The following ANKRD28 variants were observed in gnomAD, a reference collection of about 807,000 sequenced individuals.
The protein encoded by ANKRD28 is ankyrin repeat domain 28.
Under a neutral mutation model 126.5 loss-of-function variants are expected in ANKRD28, and 44 were observed. The ratio of observed to expected loss-of-function variants is 0.35; its 90% CI spans 0.27 to 0.45. The LOEUF (loss-of-function observed/expected upper bound fraction) is 0.45. Among genes scored for constraint, ANKRD28 ranks in the 20% least tolerant of loss-of-function variants. The pLI, the probability that ANKRD28 is intolerant of heterozygous loss-of-function variation, is 1.00. For synonymous variants in ANKRD28, 442 were observed against 468.5 expected (o/e 0.94, Z 0.73); for missense variants, 1,110 against 1,316.6 (o/e 0.84, Z 2.43).
In ANKRD28 at chr3:15,817,767, TGAAA is replaced by T. The variant is rs2060861928; in HGVS notation, c.28-22465_28-22462del. Among the ~76,000 whole-genome samples, 1 of 152,132 alleles carries T rather than the reference TGAAA, an allele frequency of 6.6e-6. No homozygotes were observed. On this transcript the variant is annotated intron_variant, in intron 1 of 27. Transcript: ENST00000399451. The surrounding 1 kb of genome is among the most constrained non-coding windows in gnomAD (Gnocchi z 4.5). The stretch of plus-strand genomic sequence containing the variant: ...TAATCACTCTTACTTAATATCATAT[TGAAA>T]GAAAGAGCACTGCCATAAGGGTAGA...
intron 14 of ANKRD28, among the ~76,000 whole-genome samples, chr3:15,699,542 G>T (rs969412847): frequency 1.3e-5 from 2 of 151,216 alleles, no homozygotes; most frequent in African/African-American, 4.9e-5. Flanking sequence ...AAATTCACAA[G>T]AAAAAAACAA....
intron 1 of ANKRD28, among the ~76,000 whole-genome samples, chr3:15,821,165 C>T (rs2060934422): frequency 6.6e-6 from 1 of 152,046 alleles, no homozygotes; most frequent in Non-Finnish European, 1.5e-5. Context: ...CCAAATGTCC[C>T]CTGGAGAACA....
intron 4 of ANKRD28, among the ~76,000 whole-genome samples, chr3:15,739,098 A>G (rs546019002): frequency 6.6e-6 from 1 of 152,266 alleles, no homozygotes; most frequent in South Asian, 2.1e-4. Context: ...TCTTTTTTTA[A>G]GGTGCCCGGA....
intron 2 of ANKRD28, among the ~76,000 whole-genome samples, chr3:15,782,192 G>C (rs1196420763): frequency 6.6e-6 from 1 of 152,066 alleles, no homozygotes; most frequent in Non-Finnish European, 1.5e-5. Context: ...CCTCCAACGA[G>C]AATGACGGAT....
intron 1 of ANKRD28, among the ~76,000 whole-genome samples, chr3:15,857,778 A>G (rs67706167): frequency 0.14 from 20,815 of 152,258 alleles, 2,150 homozygotes; most frequent in East Asian, 0.58. Flanking sequence ...AGTCTCTCCT[A>G]AAAGTTCACC....
intron 3 of ANKRD28, among the ~76,000 whole-genome samples, chr3:15,756,075 T>C (rs1470052253): frequency 6.6e-6 from 1 of 152,224 alleles, no homozygotes; most frequent in Non-Finnish European, 1.5e-5. Flanking sequence ...TTTTAACAAG[T>C]CTTTTCTTGT....
At chr3:15,789,492 T>C (rs1280965102) in intron 2 of ANKRD28, among the ~76,000 whole-genome samples, 1 of 152,082 alleles carries the variant, frequency 6.6e-6, no homozygotes, top group Non-Finnish European at 1.5e-5. Context: ...TCTTTTCCAA[T>C]GTCTTTGGTT....
intron 3 of ANKRD28, among the ~76,000 whole-genome samples, chr3:15,753,499 C>G (rs1441881820): frequency 6.6e-6 from 1 of 152,208 alleles, no homozygotes; most frequent in Non-Finnish European, 1.5e-5. Context: ...ACATGCATAT[C>G]TATACACAGT....
chr3:15,784,019 A>C (rs1469378754), intron 2 of ANKRD28, among the ~76,000 whole-genome samples: 1 of 151,970 alleles, frequency 6.6e-6, no homozygotes, highest in Admixed American at 6.6e-5. Context: ...GAGTCCGGAG[A>C]AATATTTAAA....
intron 14 of ANKRD28, among the ~76,000 whole-genome samples, chr3:15,707,596 T>C (rs2071630765): frequency 6.6e-6 from 1 of 152,114 alleles, no homozygotes; most frequent in Admixed American, 6.6e-5. Flanking sequence ...CCTTTCCCCA[T>C]GATATAGTCA....
intron 2 of ANKRD28, among the ~76,000 whole-genome samples, chr3:15,784,624 C>G (rs187832088): frequency 1.2e-5 from 1 of 80,596 alleles, no homozygotes; most frequent in Non-Finnish European, 2.8e-5. Flanking sequence ...AAATACAAAA[C>G]AGTAACAAAA....
At chr3:15,672,807 GC>G (rs1329967200) in intron 27 of ANKRD28, among the ~76,000 whole-genome samples, 2 of 152,160 alleles carry the variant, frequency 1.3e-5, no homozygotes, top group Admixed American at 1.3e-4. Flanking sequence ...ACGAAGTCTG[GC>G]TCTGTCACCC....
rs372312590 is a variant in ANKRD28, at chr3:15,720,937, T to C, written c.974A>G (p.Asn325Ser). 87 of 1,613,584 alleles carry C rather than the reference T, an allele frequency of 5.4e-5. No homozygotes were observed. The highest frequency in any genetic ancestry group is 1.8e-4 in the Admixed American group (11 of 59,956). Residue 325 changes from asparagine (N) to serine (S), a missense_variant, in exon 8 of 28, where the codon AAT becomes AGT. By Grantham distance (46) the Asn-to-Ser change is conservative (BLOSUM62 1). Transcript: ENST00000683139. The stretch of plus-strand genomic sequence containing the variant: ...TACCTTCATATTGACATCGGCCCCA[T>C]TGCCAACTAGAAGCTCTAAACACAA... ...GALCLELLVG[N>S]GADVNMKSKD...
chr3:15,752,599 GAGAA>G, intron 3 of ANKRD28, among the ~76,000 whole-genome samples: 1 of 152,248 alleles, frequency 6.6e-6, no homozygotes, highest in East Asian at 1.9e-4. Flanking sequence ...TATCTAAGTA[GAGAA>G]GAAACAGCCC....
At chr3:15,807,876 C>G (rs1224166173) in intron 1 of ANKRD28, among the ~76,000 whole-genome samples, 1 of 152,176 alleles carries the variant, frequency 6.6e-6, no homozygotes, top group Non-Finnish European at 1.5e-5. Flanking sequence ...ATACTTTTAT[C>G]TGGCATTTTT....
At chr3:15,687,989 C>T (rs1381092343) in intron 18 of ANKRD28, among the ~76,000 whole-genome samples, 7 of 152,158 alleles carry the variant, frequency 4.6e-5, no homozygotes, top group Admixed American at 4.6e-4. Flanking sequence ...TCTCTATAGA[C>T]CTCCAAATTT....
At chr3:15,811,451 A>T (rs550632709) in intron 1 of ANKRD28, among the ~76,000 whole-genome samples, 1 of 152,160 alleles carries the variant, frequency 6.6e-6, no homozygotes, top group Non-Finnish European at 1.5e-5. Flanking sequence ...AATAATTACC[A>T]GGGACAATTT....
chr3:15,809,540 T>C (rs1395404492), intron 1 of ANKRD28, among the ~76,000 whole-genome samples: 2 of 152,078 alleles, frequency 1.3e-5, no homozygotes, highest in Non-Finnish European at 2.9e-5. Flanking sequence ...CAGAGAAAAA[T>C]ACTCTCTTTT....
chr3:15,706,124 G>A lies in ANKRD28; in HGVS notation c.1547+1800C>T, dbSNP rs143616650. Among the ~76,000 whole-genome samples the A allele has an allele frequency of 6.4e-3, 964 of 151,744 alleles. 14 individuals are homozygous for A. The highest frequency in any genetic ancestry group is 0.022 in the African/African-American group (892 of 41,360). On this transcript the variant is annotated intron_variant, in intron 14 of 27. Transcript: ENST00000683139. ...TTTTATTGTTATACTTTGTTCTAGA[G>A]TACCTGTGCACAATATGCAGGTTTG... is the stretch of plus-strand genomic sequence containing the variant.
Sources: gnomAD v4.1 joint callset for allele counts (sites outside exome capture counted in the v4.1 genomes callset) on GRCh38, gnomAD v4.1.1 for gene constraint, Gnocchi (gnomAD v3.1) non-coding constraint, MANE v1.5 for transcripts, NCBI Gene and HGNC (gene_info 2026-07-23, HGNC 2026-07-21) for gene names.